GALNT13: variants seen among roughly 807,000 people sequenced by gnomAD.
The protein encoded by GALNT13 is UDP-GalNAc:polypeptide N-acetylgalactosaminyltransferase 13.
GALNT13 carries 28 observed loss-of-function variants against 64.2 expected under a neutral mutation model. The ratio of observed to expected loss-of-function variants is 0.44; its 90% CI spans 0.32 to 0.60. The LOEUF is 0.60. Among genes scored for constraint, GALNT13 ranks in the 20% least tolerant of loss-of-function variants. The pLI, the probability that GALNT13 is intolerant of heterozygous loss-of-function variation, is 0.05. For missense variants in GALNT13, 577 were observed against 669.8 expected, an observed-to-expected ratio of 0.86 and a Z score of 1.53; for synonymous variants, 214 against 224.6, an observed-to-expected ratio of 0.95 and a Z score of 0.42.
chr2:154,368,376 G>A (rs1350016363), intron 9 of GALNT13, among the ~76,000 whole-genome samples: 1 of 152,144 alleles, frequency 6.6e-6, no homozygotes, highest in African/African-American at 2.4e-5. Context: ...CCTCTCTGGG[G>A]TGTGACTGAC....
the GALNT13 span, chr2:153,478,081 G>A: frequency 3.1e-6 from 2 of 644,482 alleles, no homozygotes; most frequent in East Asian, 2.7e-5. Flanking sequence ...CAGAGGGCGA[G>A]GGAGAAACCG....
intron 9 of GALNT13, among the ~76,000 whole-genome samples, chr2:154,385,988 A>G (rs1407021805): frequency 6.6e-6 from 1 of 152,074 alleles, no homozygotes; most frequent in Non-Finnish European, 1.5e-5. Context: ...TAGCAACAAC[A>G]TGTATGATAA....
At chr2:154,044,011 G>T (rs555866954) in intron 3 of GALNT13, among the ~76,000 whole-genome samples, 3 of 152,246 alleles carry the variant, frequency 2.0e-5, no homozygotes, top group East Asian at 3.9e-4. Context: ...GGCAGAGGTT[G>T]CAGTGAGCAG....
At chr2:153,561,934 A>G in the GALNT13 span, among the ~76,000 whole-genome samples, 1 of 152,030 alleles carries the variant, frequency 6.6e-6, no homozygotes, top group Non-Finnish European at 1.5e-5. Flanking sequence ...CAGAATAATA[A>G]TTTCAGCAAT....
At chr2:153,645,054 C>T in the GALNT13 span, among the ~76,000 whole-genome samples, 1 of 152,056 alleles carries the variant, frequency 6.6e-6, no homozygotes, top group Non-Finnish European at 1.5e-5. Flanking sequence ...TATGGCAAGT[C>T]CCCAGATCCT....
At chr2:154,350,878 G>A (rs1227265034) in intron 9 of GALNT13, among the ~76,000 whole-genome samples, 1 of 152,180 alleles carries the variant, frequency 6.6e-6, no homozygotes, top group African/African-American at 2.4e-5. Context: ...TCAGTGATAA[G>A]TAGAAACTAG....
intron 3 of GALNT13, among the ~76,000 whole-genome samples, chr2:154,058,091 GTAGT>G (rs1166512864): frequency 6.6e-6 from 1 of 152,100 alleles, no homozygotes; most frequent in Non-Finnish European, 1.5e-5. Context: ...CTTTATGAAG[GTAGT>G]TAATGTTAAA....
intron 3 of GALNT13, among the ~76,000 whole-genome samples, chr2:154,133,534 T>TTATATATATATATA (rs201083794): frequency 5.2e-5 from 4 of 77,290 alleles, no homozygotes; most frequent in Non-Finnish European, 9.5e-5. Context: ...ACAGACCATT[T>TTATATATATATATA]TATATATATA....
the GALNT13 span, among the ~76,000 whole-genome samples, chr2:153,218,083 T>C: frequency 2.0e-5 from 3 of 152,144 alleles, no homozygotes; most frequent in Admixed American, 6.5e-5. Flanking sequence ...CTTGGTATAT[T>C]TTGTGTTTAG....
At position 154,429,588 on chromosome 2, in the gene GALNT13, G is replaced by T. The variant is rs550469010; in HGVS notation, c.1396-9004G>T. ...AGGGCAAGGTGAAGTAGCAAGTGCT[G>T]AGGGAGAAGCTGCAGCAAGTTATCC... is the stretch of plus-strand genomic sequence containing the variant. On this transcript the variant is annotated intron_variant, in intron 11 of 12. Coordinates refer to ENST00000392825, the MANE Select transcript of GALNT13 (RefSeq NM_052917.4). Among the ~76,000 whole-genome samples the T allele has an allele frequency of 2.6e-5, 4 of 152,306 alleles. No individual in the cohort carries two copies. The East Asian group carries it at 7.7e-4, about 29-fold the overall frequency.
the GALNT13 span, among the ~76,000 whole-genome samples, chr2:153,290,332 CAAAG>C: frequency 6.6e-6 from 1 of 152,028 alleles, no homozygotes; most frequent in African/African-American, 2.4e-5. Context: ...GGCTGTTTCA[CAAAG>C]AAAGCATTAT....
At chr2:153,340,378 C>T in the GALNT13 span, among the ~76,000 whole-genome samples, 67 of 148,114 alleles carry the variant, frequency 4.5e-4, no homozygotes, top group African/African-American at 1.6e-3. Context: ...GAGAGTTGGC[C>T]GGGCAAGGTG....
chr2:153,420,294 A>G, the GALNT13 span, among the ~76,000 whole-genome samples: 6 of 152,162 alleles, frequency 3.9e-5, no homozygotes, highest in Non-Finnish European at 7.3e-5. Context: ...AGAAATTGTA[A>G]GGTTGATAGA....
At chr2:154,315,335 T>C (rs1285129923) in intron 9 of GALNT13, among the ~76,000 whole-genome samples, 2 of 152,164 alleles carry the variant, frequency 1.3e-5, no homozygotes, top group Non-Finnish European at 2.9e-5. Context: ...TTGCAGTAAA[T>C]CTTCAATAGG....
chr2:154,251,963 A>C (rs1690092157), intron 7 of GALNT13, among the ~76,000 whole-genome samples: 1 of 152,188 alleles, frequency 6.6e-6, no homozygotes, highest in African/African-American at 2.4e-5. Flanking sequence ...TCAGCTATTC[A>C]TGCTCATATT....
chr2:153,885,363 C>A (rs1400732939), intron 1 of GALNT13, among the ~76,000 whole-genome samples: 1 of 152,016 alleles, frequency 6.6e-6, no homozygotes, highest in Non-Finnish European at 1.5e-5. Flanking sequence ...CAGAATCATA[C>A]ATCTTTAGTT....
downstream of GALNT13, among the ~76,000 whole-genome samples, chr2:154,455,328 G>A (rs1399384026): frequency 6.6e-6 from 1 of 152,114 alleles, no homozygotes; most frequent in Non-Finnish European, 1.5e-5. Flanking sequence ...TAGTCTCAGA[G>A]GAGGCAAAAC....
chr2:153,225,667 T>C, the GALNT13 span, among the ~76,000 whole-genome samples: 6 of 152,318 alleles, frequency 3.9e-5, no homozygotes, highest in South Asian at 1.2e-3. Context: ...AATTGTTGCT[T>C]AATTATATGT....
intron 4 of GALNT13, among the ~76,000 whole-genome samples, chr2:154,223,764 G>C (rs1206188393): frequency 1.3e-5 from 2 of 151,892 alleles, no homozygotes; most frequent in East Asian, 1.9e-4. Flanking sequence ...ATTCTTCAGT[G>C]GTAATAGCTG....
Sources: gnomAD v4.1 joint callset for allele counts (sites outside exome capture counted in the v4.1 genomes callset) on GRCh38, gnomAD v4.1.1 for gene constraint, MANE v1.5 for transcripts, NCBI Gene and HGNC (gene_info 2026-07-23, HGNC 2026-07-21) for gene names.